MYO19: variants seen among roughly 807,000 people sequenced by gnomAD.
MYO19 encodes myosin XIX.
A neutral mutation model predicts 129.2 loss-of-function variants in MYO19; 132 were observed. The ratio of observed to expected loss-of-function variants is 1.02; its 90% CI spans 0.89 to 1.18. The LOEUF (loss-of-function observed/expected upper bound fraction) is 1.18, where lower values mean the gene tolerates loss of function less well. Among genes scored for constraint, MYO19 ranks in the 50% most tolerant of loss-of-function variants. The pLI is 0.00. For synonymous variants in MYO19, 531 were observed against 477.2 expected, an observed-to-expected ratio of 1.11 and a Z score of -1.47; for missense variants, 1,210 against 1,216.7, an observed-to-expected ratio of 0.99 and a Z score of 0.08.
chr17:36,496,511 T>C (rs141202867), intron 25 of MYO19, 105 bp from the exon 26 acceptor site: 1 of 1,055,760 alleles, frequency 9.5e-7, no homozygotes, highest in Non-Finnish European at 1.4e-6. Flanking sequence ...TATGGACAAG[T>C]ACTAGTATTG....
intron 23 of MYO19, chr17:36,499,673 T>TC (rs1567729286): frequency 8.0e-6 from 1 of 124,974 alleles, no homozygotes; most frequent in Non-Finnish European, 1.7e-5. Context: ...TCTTTTTTTT[T>TC]TTTTTTTTTT....
chr17:36,541,255 T>C (rs994156623), intron 2 of MYO19, among the ~76,000 whole-genome samples: 4 of 152,232 alleles, frequency 2.6e-5, no homozygotes, highest in African/African-American at 9.6e-5. Flanking sequence ...AATTTTAATT[T>C]TACACAATTA....
At position 36,506,883 on chromosome 17, in the gene MYO19, T is replaced by C. The variant is rs977443296; in HGVS notation, c.1644+80A>G. On this transcript the variant is annotated intron_variant, in intron 17 of 25. Coordinates refer to ENST00000614623, the MANE Select transcript of MYO19 (RefSeq NM_001163735.2). ...GGTTCAGGAGAGAAAGGACTCACGA[T>C]GGGAAACTACTATGTCTGCATAGCA... is the stretch of plus-strand genomic sequence containing the variant. 6 of 1,420,564 alleles carry C rather than the reference T, an allele frequency of 4.2e-6. No homozygotes were observed. In the African/African-American group the frequency reaches 4.3e-5, roughly 10 times the overall value. 88.0% of individuals were successfully genotyped at this position (1,420,564 alleles called of 1,614,324 possible).
At chr17:36,535,428 G>A (rs930838806), upstream of MYO19, 1 of 152,294 alleles carries the variant, frequency 6.6e-6, no homozygotes, top group African/African-American at 2.4e-5. Flanking sequence ...GATGGGCGGA[G>A]ACGCGCGGAA....
chr17:36,518,955 ATAGT>A (rs2072977717), intron 6 of MYO19, among the ~76,000 whole-genome samples: 1 of 152,132 alleles, frequency 6.6e-6, no homozygotes, highest in African/African-American at 2.4e-5. Context: ...CTCAAGGAAC[ATAGT>A]TTGTATCATT....
At chr17:36,525,206 G>C in intron 6 of MYO19, 22 bp downstream of exon 6, 1 of 1,574,030 alleles carries the variant, frequency 6.4e-7, no homozygotes. Context: ...GAGTTGACAG[G>C]ATGGGAAAGA....
At chr17:36,513,182 T>A in intron 11 of MYO19, 14 of 1,418,566 alleles carry the variant, frequency 9.9e-6, no homozygotes, top group Non-Finnish European at 1.3e-5. Flanking sequence ...TCTGCCCCCA[T>A]GGATCACTTA....
At chr17:36,537,648 C>G (rs2074160856), upstream of MYO19, 1 of 1,614,096 alleles carries the variant, frequency 6.2e-7, no homozygotes, top group East Asian at 2.2e-5. Flanking sequence ...AATGGTTTGT[C>G]TAGAGGTCAG....
chr17:36,508,100 C>G lies in MYO19; in HGVS notation c.1232-176G>C, dbSNP rs1251204375. The G allele has an allele frequency of 2.9e-5, 17 of 583,924 alleles. No homozygotes were observed. In the East Asian group the frequency reaches 5.2e-4, roughly 18 times the overall value. The allele number at this position is 583,924 out of a possible 1,614,324, so 36.2% of individuals were successfully genotyped here. ...AGAACATACCTTCCCCACCCTCCAC[C>G]CAAGGTGGCTCCCATCTCTACCCCA... On this transcript the variant is annotated intron_variant, in intron 14 of 25. Transcript: ENST00000614623.
rs1269629644 is a variant in MYO19, at chr17:36,495,885, T to A, written c.*366A>T. The A allele has an allele frequency of 5.7e-6, 7 of 1,234,134 alleles. No individual in the cohort carries two copies. The highest frequency in any genetic ancestry group is 3.1e-4 in the Middle Eastern group (1 of 3,242). 76.4% of individuals were successfully genotyped at this position (1,234,134 alleles called of 1,614,324 possible). A position where few individuals can be genotyped will look rare whatever the true frequency, so the allele number is the denominator to read the frequency against. ...TTCCCAGCCCAAATTCCAGCGCCAA[T>A]TTTAGGCCAACTTTGGCTGTTTTCT... On this transcript the variant is annotated 3_prime_UTR_variant, in exon 26 of 26. Coordinates refer to ENST00000614623, the MANE Select transcript of MYO19 (RefSeq NM_001163735.2).
intron 23 of MYO19, 77 bp downstream of exon 23, chr17:36,500,753 C>T (rs571971892): frequency 7.2e-6 from 11 of 1,518,414 alleles, no homozygotes; most frequent in African/African-American, 5.4e-5. Flanking sequence ...GATGGGGACT[C>T]GACGAGCTAT....
intron 5 of MYO19, 97 bp downstream of exon 5, chr17:36,527,453 AT>A: frequency 1.5e-6 from 2 of 1,372,130 alleles, no homozygotes; most frequent in Non-Finnish European, 2.0e-6. Context: ...GAATGACCAC[AT>A]TGCTGGTGAA....
upstream of MYO19, chr17:36,537,174 G>A (rs765983481): frequency 6.2e-7 from 1 of 1,614,008 alleles, no homozygotes. Context: ...AATCACCCAG[G>A]GATTGTGCTT....
intron 23 of MYO19, chr17:36,499,654 C>CTGTTTCT (rs2071331722): frequency 2.7e-5 from 2 of 73,092 alleles, no homozygotes; most frequent in African/African-American, 1.2e-4. Context: ...TATTCTTTTT[C>CTGTTTCT]TTTTTGTTTC....
At chr17:36,532,812 T>C in intron 2 of MYO19, 131 bp from the exon 3 acceptor site, 1 of 551,954 alleles carries the variant, frequency 1.8e-6, no homozygotes, top group Non-Finnish European at 3.2e-6. Flanking sequence ...AGAGTGGGCC[T>C]GTCCTTTCCC....
At chr17:36,513,082 G>T in intron 11 of MYO19, 3 of 1,299,852 alleles carry the variant, frequency 2.3e-6, no homozygotes, top group Non-Finnish European at 9.8e-7. Context: ...AGTGAGCAGA[G>T]AAGTGTGAAC....
chr17:36,509,150 G>A lies in MYO19; in HGVS notation c.1158-15C>T. The A allele has an allele frequency of 6.2e-7, 1 of 1,613,012 alleles. No individual in the cohort carries two copies. The highest frequency in any genetic ancestry group is 8.5e-7 in the Non-Finnish European group (1 of 1,179,274). On this transcript the variant is annotated splice_polypyrimidine_tract_variant and intron_variant, in intron 13 of 25. Transcript: ENST00000614623. ...AGTCAAACAACCTGTTGGGGGAAGAGAGTGGACTCTGGTAAGAGGGTCTGG... is the reference window on the plus strand; with the variant it reads ...AGTCAAACAACCTGTTGGGGGAAGAAAGTGGACTCTGGTAAGAGGGTCTGG...
At chr17:36,503,925 CTG>C in intron 20 of MYO19, 23 bp downstream of exon 20, 1 of 1,566,664 alleles carries the variant, frequency 6.4e-7, no homozygotes, top group Non-Finnish European at 8.6e-7. Context: ...TGGCCCTGCA[CTG>C]TGCCGTGATC....
chr17:36,520,526 T>G (rs2142217382), intron 6 of MYO19, among the ~76,000 whole-genome samples: 1 of 152,292 alleles, frequency 6.6e-6, no homozygotes, highest in East Asian at 1.9e-4. Flanking sequence ...ACGTGGGTTT[T>G]TTTTCAATAA....
Sources: allele counts gnomAD v4.1 joint callset (sites outside exome capture counted in the v4.1 genomes callset), GRCh38; gene constraint gnomAD v4.1.1; transcripts MANE v1.5; gene names NCBI Gene and HGNC (gene_info 2026-07-23, HGNC 2026-07-21).